The following PCDHA13 variants were observed in gnomAD, a reference collection of about 807,000 sequenced individuals.
PCDHA13 encodes the protein protocadherin alpha 13.
A neutral mutation model predicts 64.8 loss-of-function variants in PCDHA13; 54 were observed. The observed-to-expected ratio is 0.83, with a 90% CI of 0.67 to 1.04. The LOEUF (loss-of-function observed/expected upper bound fraction) is 1.04. Among genes scored for constraint, PCDHA13 ranks in the 50% least tolerant of loss-of-function variants. The pLI, the probability that PCDHA13 is intolerant of heterozygous loss-of-function variation, is 0.00. For synonymous variants in PCDHA13, 587 were observed against 564.4 expected, an observed-to-expected ratio of 1.04 and a Z score of -0.57; for missense variants, 1,248 against 1,254.3, an observed-to-expected ratio of 0.99 and a Z score of 0.08.
In PCDHA13 at chr5:140,959,884, G is replaced by A. The variant is rs141989766; in HGVS notation, c.2395-19065G>A. On this transcript the variant is annotated intron_variant, in intron 1 of 3. Coordinates refer to ENST00000289272, the MANE Select transcript of PCDHA13 (RefSeq NM_018904.3). ...TAGCAAAATCTGTCAAGGAATACAC[G>A]AGTGGGATTTATATCAGAAAAATCA... Among the ~76,000 whole-genome samples, 570 of 152,254 alleles carry A rather than the reference G, an allele frequency of 3.7e-3. 1 individual carries two copies. The highest frequency in any genetic ancestry group is 6.9e-3 in the Non-Finnish European group (471 of 68,018).
At position 140,918,978 on chromosome 5, in the gene PCDHA13, G is replaced by C. The variant is rs1363137172; in HGVS notation, c.2394+34316G>C. On this transcript the variant is annotated intron_variant, in intron 1 of 3. Transcript: ENST00000289272. Reference sequence around the variant, plus strand: ...ACTAAGACAGATATCGTTTAGGTTAGTTGGTTTTTAGTGTTGTTCACATCT... The same window carrying C: ...ACTAAGACAGATATCGTTTAGGTTACTTGGTTTTTAGTGTTGTTCACATCT... Among the ~76,000 whole-genome samples, 5 of 152,204 alleles carry C rather than the reference G, an allele frequency of 3.3e-5. No homozygotes were observed. In the South Asian group the frequency reaches 8.3e-4, roughly 25 times the overall value.
intron 1 of PCDHA13, among the ~76,000 whole-genome samples, chr5:140,975,536 A>G (rs957684886): frequency 2.0e-5 from 3 of 152,226 alleles, no homozygotes; most frequent in Admixed American, 1.3e-4. Flanking sequence ...TATTCTTAAT[A>G]CAGTCCTATT....
chr5:140,883,759 G>C lies in PCDHA13; in HGVS notation c.1491G>C (p.Arg497=), dbSNP rs1554179777. The C allele has an allele frequency of 6.2e-7, 1 of 1,612,822 alleles. No individual in the cohort carries two copies. Among genetic ancestry groups the C allele is most frequent in the Non-Finnish European group, 8.5e-7 (1 of 1,179,726 alleles). Residue 497 remains arginine (R), a synonymous_variant, in exon 1 of 4, where the codon CGG becomes CGC. Coordinates refer to ENST00000289272, the MANE Select transcript of PCDHA13 (RefSeq NM_018904.3). ...TGGTCTCCTACTCGCTGGTGGAGCG[G>C]CGGGTGGGCGAGCGTGCGCTGTCGA... ...NALVSYSLVE[R]RVGERALSSY... is the part of the protein sequence containing the mutation.
In PCDHA13 at chr5:140,906,570, T is replaced by C. The variant is rs371493282; in HGVS notation, c.2394+21908T>C. ...TGCAACTGGTTGTGTGGTTCATAGCTGGTATTGATGACTACCTTCCTCTAC... is the reference window on the plus strand; with the variant it reads ...TGCAACTGGTTGTGTGGTTCATAGCCGGTATTGATGACTACCTTCCTCTAC... On this transcript the variant is annotated intron_variant, in intron 1 of 3. Coordinates refer to ENST00000289272, the MANE Select transcript of PCDHA13 (RefSeq NM_018904.3). 1.7e-4 allele frequency among the ~76,000 whole-genome samples: 26 copies of C among 152,230 alleles called. No homozygotes were observed. In the East Asian group the frequency reaches 2.1e-3, roughly 12 times the overall value.
chr5:141,002,598 C>T (rs2098087385), intron 3 of PCDHA13, among the ~76,000 whole-genome samples: 1 of 152,212 alleles, frequency 6.6e-6, no homozygotes, highest in Admixed American at 6.5e-5. Flanking sequence ...GTCCCCTCAT[C>T]TATAAAACAG....
intron 3 of PCDHA13, among the ~76,000 whole-genome samples, chr5:140,987,146 G>A (rs942853645): frequency 1.3e-5 from 2 of 151,812 alleles, no homozygotes; most frequent in Non-Finnish European, 2.9e-5. Flanking sequence ...CTCGGGAGGT[G>A]GAGGTTGCAG....
intron 1 of PCDHA13, among the ~76,000 whole-genome samples, chr5:140,884,903 T>C (rs1462790087): frequency 1.3e-5 from 2 of 152,268 alleles, no homozygotes; most frequent in Admixed American, 1.3e-4. Flanking sequence ...GTTTCTGTTG[T>C]ATTCTTAATA....
chr5:141,004,880 G>A (rs940142127), intron 3 of PCDHA13, among the ~76,000 whole-genome samples: 2 of 152,172 alleles, frequency 1.3e-5, no homozygotes, highest in Admixed American at 6.5e-5. Context: ...TCCCTAAAGT[G>A]CTATTGTGTC....
intron 1 of PCDHA13, among the ~76,000 whole-genome samples, chr5:140,946,207 A>G (rs1435472095): frequency 2.0e-5 from 3 of 152,068 alleles, no homozygotes; most frequent in Non-Finnish European, 4.4e-5. Flanking sequence ...AAAGCACACA[A>G]ATGACCAACA....
Position 140,963,600 on chromosome 5 carries a change from G to A in PCDHA13, c.2395-15349G>A, listed in dbSNP as rs111244023. Among the ~76,000 whole-genome samples, 12 of 152,298 alleles carry A rather than the reference G, an allele frequency of 7.9e-5. No homozygotes were observed. In the South Asian group the frequency reaches 1.7e-3, roughly 21 times the overall value. ...CAAAATGTAGGATATAGTTCTAGAC[G>A]TAATTGGGAAAGCTTAACTTTGTTG... On this transcript the variant is annotated intron_variant, in intron 1 of 3. Transcript: ENST00000289272.
At chr5:140,994,065 T>A (rs1563596985) in intron 3 of PCDHA13, among the ~76,000 whole-genome samples, 1 of 152,092 alleles carries the variant, frequency 6.6e-6, no homozygotes, top group Non-Finnish European at 1.5e-5. Context: ...ATAAATCTAA[T>A]GGTGAAGGGA....
intron 1 of PCDHA13, among the ~76,000 whole-genome samples, chr5:140,896,631 C>A (rs1583239619): frequency 6.6e-6 from 1 of 152,014 alleles, no homozygotes; most frequent in East Asian, 1.9e-4. Context: ...CCTGCCTTGG[C>A]CTCCCAAAGT....
chr5:140,924,715 C>A (rs1258622619), intron 1 of PCDHA13, among the ~76,000 whole-genome samples: 3 of 151,692 alleles, frequency 2.0e-5, no homozygotes, highest in Non-Finnish European at 4.4e-5. Flanking sequence ...TGCAACATGG[C>A]GAAACCTCAC....
chr5:141,001,245 C>G (rs1554258043), intron 3 of PCDHA13, among the ~76,000 whole-genome samples: 2 of 152,082 alleles, frequency 1.3e-5, no homozygotes, highest in Non-Finnish European at 2.9e-5. Context: ...TAAATCAACC[C>G]TATGGGGCGG....
At chr5:140,977,589 G>A (rs567353301) in intron 1 of PCDHA13, among the ~76,000 whole-genome samples, 15 of 152,274 alleles carry the variant, frequency 9.9e-5, no homozygotes, top group Admixed American at 2.6e-4. Flanking sequence ...AGAGCAGTTA[G>A]CATGTGAGGA....
chr5:140,895,841 C>T (rs1389575745), intron 1 of PCDHA13, among the ~76,000 whole-genome samples: 1 of 152,092 alleles, frequency 6.6e-6, no homozygotes, highest in Admixed American at 6.6e-5. Flanking sequence ...GACAAAGTCT[C>T]ACTCTTGTAC....
At chr5:140,969,513 A>G (rs2096339726) in intron 1 of PCDHA13, 1 of 1,417,106 alleles carries the variant, frequency 7.1e-7, no homozygotes, top group Non-Finnish European at 9.4e-7. Context: ...ATAGCACTAA[A>G]GAATTGTTTT....
At chr5:140,895,660 A>G (rs2065094898) in intron 1 of PCDHA13, among the ~76,000 whole-genome samples, 6 of 152,160 alleles carry the variant, frequency 3.9e-5, no homozygotes, top group Admixed American at 3.9e-4. Context: ...CTTATAAGTG[A>G]GAACATGTAG....
intron 1 of PCDHA13, among the ~76,000 whole-genome samples, chr5:140,946,635 A>G (rs2094003182): frequency 1.6e-5 from 1 of 62,812 alleles, no homozygotes; most frequent in Admixed American, 1.5e-4. Flanking sequence ...TATATATACA[A>G]TGGAATACTC....
Sources: allele counts gnomAD v4.1 joint callset (sites outside exome capture counted in the v4.1 genomes callset), GRCh38; gene constraint gnomAD v4.1.1; transcripts MANE v1.5; gene names NCBI Gene and HGNC (gene_info 2026-07-23, HGNC 2026-07-21).